Variants in ZSWIM9 observed in about 807,000 individuals in gnomAD.
ZSWIM9 encodes uncharacterized protein ZSWIM9.
Under a neutral mutation model 25.0 loss-of-function variants are expected in ZSWIM9, and 11 were observed. The observed-to-expected ratio is 0.44, with a 90% CI of 0.28 to 0.73. ZSWIM9 has a LOEUF of 0.73. Among genes scored for constraint, ZSWIM9 ranks in the 30% least tolerant of loss-of-function variants. The pLI, the probability that ZSWIM9 is intolerant of heterozygous loss-of-function variation, is 0.16. For missense variants in ZSWIM9, 1,070 were observed against 1,296.5 expected, an observed-to-expected ratio of 0.83 and a Z score of 2.68; for synonymous variants, 562 against 582.1, an observed-to-expected ratio of 0.97 and a Z score of 0.50.
Position 48,197,155 on chromosome 19 carries a change from G to T in ZSWIM9, c.*328G>T. On this transcript the variant is annotated 3_prime_UTR_variant, in exon 4 of 4. Transcript: ENST00000614654. ...AAGGAAAGGGGCAGAGCTGGGGGGA[G>T]GGGGAGGAAGCGATCATATGGGGAG... The T allele has an allele frequency of 1.4e-6, 1 of 695,996 alleles. No homozygotes were observed. The highest frequency in any genetic ancestry group is 2.6e-6 in the Non-Finnish European group (1 of 381,846). The allele number at this position is 695,996 out of a possible 1,614,324, so 43.1% of individuals were successfully genotyped here.
rs2036827417 is a variant in ZSWIM9 at position 48,171,959 on chromosome 19, C to G, written c.157C>G (p.Leu53Val). The part of the protein sequence containing the change: ...ALFFVKSSMH[L>V]ARCRWASAPP... Reference sequence around the variant, plus strand: ...CTTCTTCGTCAAGAGCTCCATGCACCTGGCGCGCTGCCGCTGGGCCAGTGC... The same window carrying G: ...CTTCTTCGTCAAGAGCTCCATGCACGTGGCGCGCTGCCGCTGGGCCAGTGC... Residue 53 changes from leucine to valine, a missense_variant, in exon 2 of 4, where the codon CTG becomes GTG. Leu to Val is a conservative substitution (Grantham distance 32, BLOSUM62 1). Around this residue, in one of 4 missense-constraint regions of ZSWIM9, gnomAD observed 265 missense variants for 339.0 expected, o/e 0.78. Transcript: ENST00000614654. The G allele has an allele frequency of 6.5e-7, 1 of 1,535,714 alleles. No individual in the cohort carries two copies. Among genetic ancestry groups the G allele is most frequent in the Admixed American group, 2.0e-5 (1 of 50,970 alleles).
At chr19:48,178,307 G>A (rs1233714923) in intron 2 of ZSWIM9, among the ~76,000 whole-genome samples, 1 of 152,174 alleles carries the variant, frequency 6.6e-6, no homozygotes, top group African/African-American at 2.4e-5. Flanking sequence ...AAAGGGGTGT[G>A]TCAAGGATGC....
Position 48,197,469 on chromosome 19 carries a change from G to A in ZSWIM9, c.*642G>A. 1 of 595,032 alleles carries A rather than the reference G, an allele frequency of 1.7e-6. No homozygotes were observed. The highest frequency in any genetic ancestry group is 3.0e-6 in the Non-Finnish European group (1 of 334,884). 36.9% of individuals were successfully genotyped at this position (595,032 alleles called of 1,614,324 possible). A position where few individuals can be genotyped will look rare whatever the true frequency, so the allele number is the denominator to read the frequency against. On this transcript the variant is annotated 3_prime_UTR_variant, in exon 4 of 4. Transcript: ENST00000614654. ...GACGAAATGCAAGGGGCGTGGTTTT[G>A]GTTTTTCTCCAAGACCTGGAGACAT...
intron 3 of ZSWIM9, among the ~76,000 whole-genome samples, chr19:48,193,350 A>C (rs774875821): frequency 6.6e-6 from 1 of 152,124 alleles, no homozygotes; most frequent in East Asian, 1.9e-4. Context: ...GCGTGAGTTC[A>C]CTCACTCAGG....
intron 3 of ZSWIM9, among the ~76,000 whole-genome samples, chr19:48,189,931 A>G (rs2037074563): frequency 1.3e-5 from 2 of 152,146 alleles, no homozygotes; most frequent in Admixed American, 6.6e-5. Flanking sequence ...AGGTGGGCGC[A>G]GTGGCTCACA....
intron 2 of ZSWIM9, among the ~76,000 whole-genome samples, chr19:48,176,216 A>G (rs144030624): frequency 8.5e-4 from 129 of 152,312 alleles, no homozygotes; most frequent in African/African-American, 3.1e-3. Flanking sequence ...AAAAAAATGA[A>G]TAAATGGGTA....
chr19:48,171,871 C>T lies in ZSWIM9; in HGVS notation c.69C>T (p.Ala23=), dbSNP rs1370024419. 2.0e-6 allele frequency: 3 copies of T among 1,535,586 alleles called. No homozygotes were observed. The highest frequency in any genetic ancestry group is 2.4e-5 in the South Asian group (2 of 84,024). The change falls in exon 2 of 4, where the codon GCC becomes GCT. Residue 23 remains alanine (A), a synonymous_variant. Coordinates refer to ENST00000614654, the MANE Select transcript of ZSWIM9 (RefSeq NM_199341.4). ...GQEEQELRER[A]FFSWAEFSRF... is the part of the protein sequence containing the mutation. ...AGGAGCAGGAGCTGCGGGAGCGGGCCTTCTTCTCGTGGGCCGAGTTCAGCC... is the reference window on the plus strand; with the variant it reads ...AGGAGCAGGAGCTGCGGGAGCGGGCTTTCTTCTCGTGGGCCGAGTTCAGCC...
At chr19:48,193,409 G>A (rs1427194211) in intron 3 of ZSWIM9, among the ~76,000 whole-genome samples, 3 of 152,088 alleles carry the variant, frequency 2.0e-5, no homozygotes, top group African/African-American at 4.8e-5. Context: ...AGCATCAGGG[G>A]TGCTGTTATA....
At chr19:48,180,323 C>A (rs2036934798) in intron 2 of ZSWIM9, among the ~76,000 whole-genome samples, 1 of 126,768 alleles carries the variant, frequency 7.9e-6, no homozygotes, top group South Asian at 2.5e-4. Flanking sequence ...GCCATTCTTC[C>A]AATTTTTTTT....
Position 48,196,518 on chromosome 19 carries a change from G to A in ZSWIM9, c.2454G>A (p.Val818=), listed in dbSNP as rs1273857839. ...RLCRPPGEEE[V]DWEPLAKFRA... ...GCCGACCCCCGGGAGAGGAGGAGGT[G>A]GACTGGGAACCCCTGGCCAAATTCC... Residue 818 remains valine (V), a synonymous_variant, in exon 4 of 4, where the codon GTG becomes GTA. Transcript: ENST00000614654. 3.5e-5 allele frequency: 43 copies of A among 1,232,358 alleles called. No homozygotes were observed. Among genetic ancestry groups the A allele is most frequent in the African/African-American group, 9.3e-5 (6 of 64,386 alleles). 76.3% of individuals were successfully genotyped at this position (1,232,358 alleles called of 1,614,324 possible).
chr19:48,184,371 C>T (rs761482630), intron 3 of ZSWIM9, among the ~76,000 whole-genome samples: 7 of 152,080 alleles, frequency 4.6e-5, no homozygotes, highest in Admixed American at 6.6e-5. Context: ...GGAATCTCTG[C>T]GGCTTTAATC....
chr19:48,192,468 A>T (rs1303443129), intron 3 of ZSWIM9, among the ~76,000 whole-genome samples: 966 of 23,516 alleles, frequency 0.041, 140 homozygotes, highest in East Asian at 0.089. Flanking sequence ...AAAAAAAAAA[A>T]AAAAAAAAAA....
chr19:48,187,429 TTATATTA>T (rs1249111426), intron 3 of ZSWIM9, among the ~76,000 whole-genome samples: 3 of 104,010 alleles, frequency 2.9e-5, no homozygotes, highest in Non-Finnish European at 5.4e-5. Context: ...ATATATTATA[TTATATTA>T]TATATATTAT....
intron 3 of ZSWIM9, among the ~76,000 whole-genome samples, chr19:48,190,132 T>C (rs2037076839): frequency 6.7e-6 from 1 of 149,566 alleles, no homozygotes. Flanking sequence ...AAACCTGGGG[T>C]GGCGGAGGTC....
rs373172558 is a variant in ZSWIM9, at chr19:48,196,486, A to G, written c.2422A>G (p.Arg808Gly). ...CGAAGATGGCCCCAGGGAACCAAAG[A>G]GGCTTTGCCGACCCCCGGGAGAGGA... is the stretch of plus-strand genomic sequence containing the variant. ...GGEDGPREPK[R>G]LCRPPGEEEV... is the part of the protein sequence containing the mutation. Residue 808 changes from arginine to glycine, a missense_variant, in exon 4 of 4, where the codon AGG becomes GGG. Physicochemically the swap from Arg to Gly is moderately radical, Grantham distance 125 (BLOSUM62 -2). This residue lies in a region of ZSWIM9 where 583 missense variants were observed against 624.7 expected (regional missense o/e 0.93). Transcript: ENST00000614654. 3 of 1,232,370 alleles carry G rather than the reference A, an allele frequency of 2.4e-6. No homozygotes were observed. 76.3% of individuals were successfully genotyped at this position (1,232,370 alleles called of 1,614,324 possible).
intron 3 of ZSWIM9, chr19:48,187,554 A>AT (rs1193403592): frequency 1.8e-4 from 5 of 28,388 alleles, no homozygotes; most frequent in East Asian, 1.3e-3. Flanking sequence ...TATATTATAT[A>AT]TATTATATAT....
intron 2 of ZSWIM9, 30 bp downstream of exon 2, chr19:48,172,107 G>T (rs1357412468): frequency 1.3e-6 from 2 of 1,484,626 alleles, no homozygotes; most frequent in African/African-American, 1.4e-5. Context: ...TGTCCTGCTG[G>T]GGGGAAGGGG....
At chr19:48,192,670 G>A (rs1322756128) in intron 3 of ZSWIM9, among the ~76,000 whole-genome samples, 1 of 150,718 alleles carries the variant, frequency 6.6e-6, no homozygotes, top group African/African-American at 2.4e-5. Context: ...CAGTGGCCTT[G>A]GGCAAGTCAC....
At chr19:48,176,844 G>A (rs1235333085) in intron 2 of ZSWIM9, among the ~76,000 whole-genome samples, 2 of 151,766 alleles carry the variant, frequency 1.3e-5, no homozygotes, top group Non-Finnish European at 2.9e-5. Flanking sequence ...TGGGTGGATT[G>A]CCTGAGCTCA....
Sources: gnomAD v4.1 joint callset for allele counts (sites outside exome capture counted in the v4.1 genomes callset) on GRCh38, gnomAD v4.1.1 for gene constraint, gnomAD v4.1.1 regional missense constraint, MANE v1.5 for transcripts, NCBI Gene and HGNC (gene_info 2026-07-23, HGNC 2026-07-21) for gene names.